TXNRD3: variants seen among roughly 807,000 people sequenced by gnomAD.
TXNRD3 encodes thioredoxin reductase 3.
Under a neutral mutation model 78.2 loss-of-function variants are expected in TXNRD3, and 68 were observed. That is an observed-to-expected ratio of 0.87 (90% CI 0.72 to 1.06). The LOEUF (loss-of-function observed/expected upper bound fraction) is 1.06. Ranked by LOEUF, TXNRD3 falls within the 50% of genes least tolerant of loss-of-function variation. The pLI, the probability that TXNRD3 is intolerant of heterozygous loss-of-function variation, is 0.00. For synonymous variants in TXNRD3, 296 were observed against 300.1 expected (o/e 0.99, Z 0.14); for missense variants, 751 against 809.5 (o/e 0.93, Z 0.88).
chr3:126,640,835 A>T (rs1396985231), intron 6 of TXNRD3, among the ~76,000 whole-genome samples: 4 of 151,432 alleles, frequency 2.6e-5, no homozygotes, highest in Non-Finnish European at 5.9e-5. Flanking sequence ...AAGGTGTGAA[A>T]GTTGTCAGAA....
In TXNRD3 at chr3:126,607,987, A is replaced by G; in HGVS notation, c.1864-14T>C. ...AGTCGTGAACACCTGTTCAAGAGAA[A>G]GAAAACAAATACATATTTAGATGTT... On this transcript the variant is annotated splice_polypyrimidine_tract_variant and intron_variant, in intron 15 of 15. Coordinates refer to ENST00000524230, the MANE Select transcript of TXNRD3 (RefSeq NM_052883.3). 6.7e-7 allele frequency: 1 copy of G among 1,482,694 alleles called. No homozygotes were observed. The allele number at this position is 1,482,694 out of a possible 1,614,324, so 91.8% of individuals were successfully genotyped here.
rs1482082648 is a variant in TXNRD3 at position 126,629,271 on chromosome 3, T to C, written c.1290+108A>G. 8.3e-6 allele frequency: 7 copies of C among 838,368 alleles called. No individual in the cohort carries two copies. The East Asian group carries it at 1.9e-4, about 23-fold the overall frequency. 51.9% of individuals were successfully genotyped at this position (838,368 alleles called of 1,614,324 possible). ...TCTATGATAATGCTCTTACAAAGAA[T>C]AAAAAAAGTAAAAAAATGTTAATCC... On this transcript the variant is annotated intron_variant, in intron 10 of 15. Transcript: ENST00000524230.
At chr3:126,630,689 T>A (rs766908786) in intron 9 of TXNRD3, 23 bp downstream of exon 9, 6 of 1,529,562 alleles carry the variant, frequency 3.9e-6, no homozygotes, top group African/African-American at 1.4e-5. Flanking sequence ...AGAAAAAAAA[T>A]TGCAAATGCC....
At chr3:126,638,582 A>G (rs1406041145) in intron 6 of TXNRD3, among the ~76,000 whole-genome samples, 1 of 152,052 alleles carries the variant, frequency 6.6e-6, no homozygotes, top group East Asian at 1.9e-4. Flanking sequence ...AAAAATATAA[A>G]CATCAGCCAG....
At chr3:126,612,137 C>G (rs550464096) in intron 13 of TXNRD3, among the ~76,000 whole-genome samples, 1 of 152,244 alleles carries the variant, frequency 6.6e-6, no homozygotes, top group East Asian at 1.9e-4. Flanking sequence ...TGCCCAGGTT[C>G]GAGCGATCCT....
intron 12 of TXNRD3, among the ~76,000 whole-genome samples, chr3:126,618,321 ATAC>A (rs1028810070): frequency 2.0e-4 from 31 of 152,382 alleles, no homozygotes; most frequent in African/African-American, 6.5e-4. Context: ...ATTTCAAAAT[ATAC>A]TACAAGTTAT....
intron 6 of TXNRD3, among the ~76,000 whole-genome samples, chr3:126,639,709 T>C (rs1184081717): frequency 6.6e-6 from 1 of 152,186 alleles, no homozygotes; most frequent in Non-Finnish European, 1.5e-5. Context: ...TAGCTAGGAC[T>C]ACAGGTGCAT....
At chr3:126,609,088 C>A in intron 14 of TXNRD3, 1 of 366,870 alleles carries the variant, frequency 2.7e-6, no homozygotes, top group South Asian at 2.1e-5. Context: ...GCAGGGCTGT[C>A]ACCCAGGGCT....
chr3:126,611,989 T>A (rs1036453490), intron 13 of TXNRD3, among the ~76,000 whole-genome samples: 4 of 152,214 alleles, frequency 2.6e-5, no homozygotes, highest in African/African-American at 9.7e-5. Flanking sequence ...TGATTTAACT[T>A]GTTTTTAACA....
chr3:126,651,060 C>T (rs543984733), intron 1 of TXNRD3, among the ~76,000 whole-genome samples: 1 of 152,240 alleles, frequency 6.6e-6, no homozygotes, highest in Non-Finnish European at 1.5e-5. Flanking sequence ...CCATTAGCAG[C>T]CCAATGAAGA....
At chr3:126,646,659 T>C (rs1464210628) in intron 2 of TXNRD3, among the ~76,000 whole-genome samples, 2 of 152,210 alleles carry the variant, frequency 1.3e-5, no homozygotes, top group East Asian at 3.8e-4. Context: ...ACCTTATTGG[T>C]AAACCCTTTA....
chr3:126,654,829 C>T lies in TXNRD3; in HGVS notation c.162G>A (p.Glu54=). The T allele has an allele frequency of 7.1e-7, 1 of 1,400,906 alleles. No homozygotes were observed. Among genetic ancestry groups the T allele is most frequent in the Non-Finnish European group, 9.3e-7 (1 of 1,079,654 alleles). 86.8% of individuals were successfully genotyped at this position (1,400,906 alleles called of 1,614,324 possible). A position where few individuals can be genotyped will look rare whatever the true frequency, so the allele number is the denominator to read the frequency against. ...TGAGGCCCACGAGGTGGCGGCGCAG[C>T]TCCTCGCGGGCCTCGGACGAGCGGC... The change falls in exon 1 of 16, where the codon GAG becomes GAA. Residue 54 remains glutamate, a synonymous_variant. Coordinates refer to ENST00000524230, the MANE Select transcript of TXNRD3 (RefSeq NM_052883.3).
intron 6 of TXNRD3, 134 bp downstream of exon 6, chr3:126,641,898 G>C (rs1933097570): frequency 8.7e-7 from 1 of 1,148,544 alleles, no homozygotes; most frequent in Non-Finnish European, 1.2e-6. Context: ...GTGCCTGGCT[G>C]ACACAGTAGC....
chr3:126,644,180 G>T, intron 4 of TXNRD3, 117 bp downstream of exon 4: 1 of 1,344,232 alleles, frequency 7.4e-7, no homozygotes, highest in Non-Finnish European at 1.0e-6. Context: ...AATTATACCA[G>T]CTATTACAAC....
At chr3:126,616,586 C>G (rs1222365377) in intron 12 of TXNRD3, among the ~76,000 whole-genome samples, 1 of 152,196 alleles carries the variant, frequency 6.6e-6, no homozygotes, top group Non-Finnish European at 1.5e-5. Context: ...ACAAACCCCC[C>G]ACTGTGCTGC....
At position 126,618,880 on chromosome 3, in the gene TXNRD3, A is replaced by C. The variant is rs560688185; in HGVS notation, c.1524+2862T>G. On this transcript the variant is annotated intron_variant, in intron 12 of 15. Coordinates refer to ENST00000524230, the MANE Select transcript of TXNRD3 (RefSeq NM_052883.3). ...CTCAGAGCCAAAAAAAAAAAAAAAA[A>C]AAAGAATTTGATTTAAAAATGGGCA... Among the ~76,000 whole-genome samples the C allele has an allele frequency of 5.6e-3, 843 of 151,714 alleles. 6 individuals carry two copies. Among genetic ancestry groups the C allele is most frequent in the African/African-American group, 0.019 (803 of 41,376 alleles).
At position 126,620,155 on chromosome 3, in the gene TXNRD3, C is replaced by T. The variant is rs202203180; in HGVS notation, c.1524+1587G>A. Among the ~76,000 whole-genome samples, 12 of 152,050 alleles carry T rather than the reference C, an allele frequency of 7.9e-5. No individual in the cohort carries two copies. In the East Asian group the frequency reaches 2.3e-3, roughly 29 times the overall value. ...CTAAAAACACAAAAAATTATCTGGGCGTGGTGGCAGGCGCCTGTAGTCCCA... is the reference window on the plus strand; with the variant it reads ...CTAAAAACACAAAAAATTATCTGGGTGTGGTGGCAGGCGCCTGTAGTCCCA... On this transcript the variant is annotated intron_variant, in intron 12 of 15. Transcript: ENST00000524230.
chr3:126,629,450 A>T lies in TXNRD3; in HGVS notation c.1219T>A (p.Ser407Thr), dbSNP rs1458546032. The change falls in exon 10 of 16, where the codon TCA (serine) becomes ACA (threonine). Residue 407 changes from serine to threonine, a missense_variant. Ser to Thr is a moderately conservative substitution (Grantham distance 58, BLOSUM62 1). Coordinates refer to ENST00000524230, the MANE Select transcript of TXNRD3 (RefSeq NM_052883.3). ...GCCAACACTTTCAGCTTTCCAGGTG[A>T]ACCTTTCTCCAACTGTTGAACCTAG... 1 of 1,535,380 alleles carries T rather than the reference A, an allele frequency of 6.5e-7. No individual in the cohort carries two copies. The highest frequency in any genetic ancestry group is 8.7e-7 in the Non-Finnish European group (1 of 1,146,498).
chr3:126,648,344 A>G (rs937028690), intron 1 of TXNRD3, among the ~76,000 whole-genome samples: 3 of 150,636 alleles, frequency 2.0e-5, no homozygotes, highest in East Asian at 4.0e-4. Context: ...AATCCCAATG[A>G]TCTTTTTTTG....
Sources: allele counts gnomAD v4.1 joint callset (sites outside exome capture counted in the v4.1 genomes callset), GRCh38; gene constraint gnomAD v4.1.1; transcripts MANE v1.5; gene names NCBI Gene and HGNC (gene_info 2026-07-23, HGNC 2026-07-21).